The following DNAJC18 variants were observed in gnomAD, a reference collection of about 807,000 sequenced individuals.
DNAJC18 encodes the protein dnaJ homolog subfamily C member 18.
DNAJC18 carries 40 observed loss-of-function variants against 48.6 expected under a neutral mutation model. The observed-to-expected ratio is 0.82, with a 90% confidence interval of 0.64 to 1.07. The LOEUF (loss-of-function observed/expected upper bound fraction) is 1.07, where lower values mean the gene tolerates loss of function less well. Ranked by LOEUF, DNAJC18 falls within the 50% of genes least tolerant of loss-of-function variation. DNAJC18 has a pLI of 0.00. For missense variants in DNAJC18, 340 were observed against 427.7 expected (o/e 0.79, Z 1.81); for synonymous variants, 135 against 152.2 (o/e 0.89, Z 0.83).
intron 2 of DNAJC18, among the ~76,000 whole-genome samples, chr5:139,434,688 T>C (rs561150894): frequency 6.6e-6 from 1 of 152,338 alleles, no homozygotes; most frequent in African/African-American, 2.4e-5. Flanking sequence ...ATGATAATTT[T>C]TGTATATTGA....
At chr5:139,426,538 C>T (rs767980607) in intron 3 of DNAJC18, among the ~76,000 whole-genome samples, 181 bp from the exon 4 acceptor site, 3 of 152,108 alleles carry the variant, frequency 2.0e-5, no homozygotes, top group Admixed American at 6.5e-5. Flanking sequence ...TTTCCCTGAT[C>T]GCCAGAAACA....
chr5:139,428,327 G>A (rs1383131738), intron 3 of DNAJC18, among the ~76,000 whole-genome samples: 2 of 152,120 alleles, frequency 1.3e-5, no homozygotes, highest in Non-Finnish European at 2.9e-5. Flanking sequence ...AGCCCGGGAG[G>A]TGGAGGTTGC....
chr5:139,426,713 G>T (rs1388351546), intron 3 of DNAJC18, among the ~76,000 whole-genome samples: 3 of 152,132 alleles, frequency 2.0e-5, no homozygotes, highest in Non-Finnish European at 2.9e-5. Flanking sequence ...TTCTCCAACT[G>T]GTCAGCACTC....
Position 139,414,174 on chromosome 5 carries a change from G to C in DNAJC18, c.1051C>G (p.Leu351Val). Residue 351 changes from leucine (L) to valine (V), a missense_variant, in exon 8 of 8, where the codon CTC (leucine) becomes GTC (valine). By Grantham distance (32) the Leu-to-Val change is conservative. Transcript: ENST00000302060. ...CAGCCACCTCTGCGTAGGCCAATGA[G>C]TTTGGAAAGTTTCTCACAGTTTTCA... ...KLENCEKLSK[L>V]IGLRRGG The C allele has an allele frequency of 6.2e-7, 1 of 1,610,788 alleles. No individual in the cohort carries two copies. Among genetic ancestry groups the C allele is most frequent in the Non-Finnish European group, 8.5e-7 (1 of 1,178,280 alleles).
intron 7 of DNAJC18, among the ~76,000 whole-genome samples, chr5:139,417,789 G>T (rs1759092244): frequency 6.6e-6 from 1 of 152,046 alleles, no homozygotes; most frequent in South Asian, 2.1e-4. Flanking sequence ...GGCCAGGTTG[G>T]TCTCGAACTC....
intron 2 of DNAJC18, among the ~76,000 whole-genome samples, chr5:139,432,407 C>A (rs949269911): frequency 2.0e-5 from 3 of 152,174 alleles, no homozygotes; most frequent in Non-Finnish European, 4.4e-5. Flanking sequence ...TTGTGATCCA[C>A]CTGCCTTGGC....
chr5:139,427,490 GTTTGC>G (rs1338724327), intron 3 of DNAJC18, among the ~76,000 whole-genome samples: 3 of 152,170 alleles, frequency 2.0e-5, no homozygotes, highest in African/African-American at 7.2e-5. Flanking sequence ...ATTGTTAAAT[GTTTGC>G]CTTGCCACTC....
chr5:139,420,300 TATC>T, intron 6 of DNAJC18, 75 bp from the exon 7 acceptor site: 192 of 1,373,448 alleles, frequency 1.4e-4, no homozygotes, highest in Middle Eastern at 5.0e-4. Flanking sequence ...CCCTCACAGA[TATC>T]ATCATCATCA....
intron 7 of DNAJC18, 151 bp from the exon 8 acceptor site, chr5:139,414,423 G>A (rs1000694080): frequency 4.0e-5 from 48 of 1,203,956 alleles, no homozygotes; most frequent in Non-Finnish European, 4.7e-5. Flanking sequence ...CACAAAACAC[G>A]TCTTAGGTAC....
At chr5:139,420,451 G>A (rs564143007) in intron 6 of DNAJC18, 1 of 495,484 alleles carries the variant, frequency 2.0e-6, no homozygotes, top group African/African-American at 2.0e-5. Flanking sequence ...CTTCAGCATA[G>A]TTTATTCTCT....
chr5:139,424,731 A>AAAAAAAAG (rs1759208504), intron 5 of DNAJC18, among the ~76,000 whole-genome samples: 1 of 147,678 alleles, frequency 6.8e-6, no homozygotes, highest in African/African-American at 2.5e-5. Flanking sequence ...AAAAAAAAAA[A>AAAAAAAAG]AAAAAAAAAA....
At chr5:139,437,896 G>A (rs1221359087) in intron 1 of DNAJC18, among the ~76,000 whole-genome samples, 4 of 152,234 alleles carry the variant, frequency 2.6e-5, no homozygotes, top group East Asian at 3.9e-4. Flanking sequence ...TCAAGAGGGC[G>A]GATGGGTAAG....
chr5:139,420,891 A>C (rs1490730732), intron 6 of DNAJC18, among the ~76,000 whole-genome samples: 1 of 152,144 alleles, frequency 6.6e-6, no homozygotes, highest in Non-Finnish European at 1.5e-5. Context: ...ATGTGACAGA[A>C]ATGGTTTTCT....
chr5:139,425,599 T>C (rs1759223558), intron 4 of DNAJC18, among the ~76,000 whole-genome samples: 1 of 152,198 alleles, frequency 6.6e-6, no homozygotes, highest in African/African-American at 2.4e-5. Context: ...TGCTGAGCTC[T>C]CCTGACTTCA....
intron 1 of DNAJC18, 145 bp from the exon 2 acceptor site, chr5:139,437,703 G>T: frequency 1.2e-6 from 1 of 859,676 alleles, no homozygotes; most frequent in Non-Finnish European, 1.7e-6. Flanking sequence ...TGACTTTTAA[G>T]CACTCATACA....
At chr5:139,430,913 A>T (rs1200567697) in intron 2 of DNAJC18, among the ~76,000 whole-genome samples, 1 of 152,190 alleles carries the variant, frequency 6.6e-6, no homozygotes, top group Non-Finnish European at 1.5e-5. Flanking sequence ...GCATTGTATC[A>T]ATGTATAATA....
chr5:139,435,750 T>C (rs1750644390), intron 2 of DNAJC18, among the ~76,000 whole-genome samples: 1 of 132,332 alleles, frequency 7.6e-6, no homozygotes, highest in African/African-American at 2.9e-5. Flanking sequence ...GGTCTCCCTC[T>C]GTCACCCAGA....
chr5:139,419,939 G>C (rs1453880090), intron 7 of DNAJC18, 114 bp downstream of exon 7: 39 of 1,091,530 alleles, frequency 3.6e-5, no homozygotes, highest in Non-Finnish European at 5.0e-5. Context: ...CTCTGACTCT[G>C]TTCACATAAA....
At chr5:139,430,282 A>G (rs950324486) in intron 2 of DNAJC18, among the ~76,000 whole-genome samples, 3 of 152,254 alleles carry the variant, frequency 2.0e-5, no homozygotes, top group Non-Finnish European at 4.4e-5. Context: ...GAAAAAGACA[A>G]GTAACATGTT....
Sources: gnomAD v4.1 joint callset for allele counts (sites outside exome capture counted in the v4.1 genomes callset) on GRCh38, gnomAD v4.1.1 for gene constraint, MANE v1.5 for transcripts, NCBI Gene and HGNC (gene_info 2026-07-23, HGNC 2026-07-21) for gene names.